GNB1: variants seen among roughly 807,000 people sequenced by gnomAD.
GNB1 encodes the protein G protein subunit beta 1.
Under a neutral mutation model 42.9 loss-of-function variants are expected in GNB1, and 2 were observed. That is an observed-to-expected ratio of 0.05 (90% CI 0.02 to 0.15). The LOEUF is 0.15. GNB1 is among the 10% of genes least tolerant of loss of function. GNB1 has a pLI of 1.00. For synonymous variants in GNB1, 183 were observed against 174.7 expected, an observed-to-expected ratio of 1.05 and a Z score of -0.38; for missense variants, 193 against 462.2, an observed-to-expected ratio of 0.42 and a Z score of 5.34.
chr1:1,883,203 T>C (rs1649950951), intron 1 of GNB1, among the ~76,000 whole-genome samples: 1 of 141,576 alleles, frequency 7.1e-6, no homozygotes, highest in Non-Finnish European at 1.5e-5. Context: ...GCCCAGGAGG[T>C]CCAGGCTGCA....
intron 5 of GNB1, among the ~76,000 whole-genome samples, chr1:1,814,717 A>C (rs12408690): frequency 6.7e-6 from 1 of 150,278 alleles, no homozygotes; most frequent in Non-Finnish European, 1.5e-5. Context: ...AGGAAGGGTT[A>C]CTGGAGCCTA....
At chr1:1,885,759 C>T (rs1427046754) in intron 1 of GNB1, among the ~76,000 whole-genome samples, 3 of 150,328 alleles carry the variant, frequency 2.0e-5, no homozygotes, top group Non-Finnish European at 4.4e-5. Context: ...GGGGTTTCAC[C>T]GTGTTAGCCA....
intron 3 of GNB1, among the ~76,000 whole-genome samples, chr1:1,819,578 G>A (rs184364896): frequency 6.6e-6 from 1 of 151,576 alleles, no homozygotes; most frequent in Non-Finnish European, 1.5e-5. Flanking sequence ...TGGCTCTGTT[G>A]CCCAGCCTGG....
intron 5 of GNB1, among the ~76,000 whole-genome samples, chr1:1,813,032 G>A (rs1364458964): frequency 6.6e-6 from 1 of 152,082 alleles, no homozygotes; most frequent in African/African-American, 2.4e-5. Flanking sequence ...CCACTAACCT[G>A]CCTAATCTGC....
At chr1:1,842,281 T>C (rs1647273106) in intron 1 of GNB1, among the ~76,000 whole-genome samples, 1 of 152,072 alleles carries the variant, frequency 6.6e-6, no homozygotes, top group Non-Finnish European at 1.5e-5. Flanking sequence ...ATACAAAAAA[T>C]TAGCCGGGCA....
At chr1:1,871,702 A>G (rs1348201542) in intron 1 of GNB1, among the ~76,000 whole-genome samples, 1 of 152,200 alleles carries the variant, frequency 6.6e-6, no homozygotes, top group African/African-American at 2.4e-5. Flanking sequence ...AGCTTCAGAT[A>G]TTCAAGGCAT....
intron 1 of GNB1, among the ~76,000 whole-genome samples, chr1:1,849,228 G>T (rs1226920146): frequency 6.6e-6 from 1 of 152,240 alleles, no homozygotes; most frequent in Non-Finnish European, 1.5e-5. Context: ...CTTGGAGGAT[G>T]TGTGCTTGAG....
chr1:1,828,181 C>T (rs1214410635), intron 2 of GNB1, among the ~76,000 whole-genome samples: 3 of 151,924 alleles, frequency 2.0e-5, no homozygotes, highest in African/African-American at 7.3e-5. Flanking sequence ...ATTAGCCAGG[C>T]GTGGTGGTGT....
intron 2 of GNB1, among the ~76,000 whole-genome samples, chr1:1,837,712 C>T (rs1359007880): frequency 6.6e-6 from 1 of 151,674 alleles, no homozygotes; most frequent in African/African-American, 2.4e-5. Flanking sequence ...GGGCGTGCCA[C>T]CACACGTGGC....
chr1:1,801,830 C>A (rs1275111268), intron 7 of GNB1, among the ~76,000 whole-genome samples: 1 of 152,100 alleles, frequency 6.6e-6, no homozygotes, highest in African/African-American at 2.4e-5. Flanking sequence ...GCAGAAAAAA[C>A]CAAGACCCAA....
At chr1:1,842,573 A>G (rs1181116904) in intron 1 of GNB1, among the ~76,000 whole-genome samples, 1 of 152,176 alleles carries the variant, frequency 6.6e-6, no homozygotes, top group East Asian at 1.9e-4. Context: ...CGGAACACAC[A>G]AATCCAAAGA....
intron 1 of GNB1, among the ~76,000 whole-genome samples, chr1:1,841,092 A>G (rs1647229209): frequency 6.6e-6 from 1 of 151,958 alleles, no homozygotes; most frequent in Admixed American, 6.6e-5. Context: ...GGTTTTCACC[A>G]TATTGGTCAG....
At chr1:1,882,885 C>T (rs1649931430) in intron 1 of GNB1, among the ~76,000 whole-genome samples, 1 of 151,286 alleles carries the variant, frequency 6.6e-6, no homozygotes, top group Non-Finnish European at 1.5e-5. Context: ...CATGTCACTG[C>T]ACTCCAGCCT....
rs1386818018 is a variant in GNB1, at chr1:1,871,454, A to C, written c.-96+19366T>G. On this transcript the variant is annotated intron_variant, in intron 1 of 11. Coordinates refer to ENST00000378609, the MANE Select transcript of GNB1 (RefSeq NM_002074.5). ...CAGCCACGGCAACAGAGTGAGACTT[A>C]AGGGAACCCTTTCCCCACCCCCATT... Among the ~76,000 whole-genome samples the C allele has an allele frequency of 2.0e-5, 3 of 151,896 alleles. No individual in the cohort carries two copies. The East Asian group carries it at 5.8e-4, about 29-fold the overall frequency.
chr1:1,844,064 G>T (rs906206780), intron 1 of GNB1, among the ~76,000 whole-genome samples: 1 of 151,882 alleles, frequency 6.6e-6, no homozygotes, highest in African/African-American at 2.4e-5. Context: ...GCGTGGTGGC[G>T]GGTGCCTGTA....
At chr1:1,860,500 G>A (rs1648560628) in intron 1 of GNB1, among the ~76,000 whole-genome samples, 1 of 152,028 alleles carries the variant, frequency 6.6e-6, no homozygotes, top group African/African-American at 2.4e-5. Context: ...AGCCAGTCGT[G>A]GTGGTGGGCG....
chr1:1,798,104 A>C (rs1203355730), intron 7 of GNB1, among the ~76,000 whole-genome samples: 1 of 152,262 alleles, frequency 6.6e-6, no homozygotes, highest in East Asian at 1.9e-4. Context: ...TTCAGTAAGA[A>C]GGAAAATGAA....
intron 1 of GNB1, among the ~76,000 whole-genome samples, chr1:1,868,141 G>C (rs1649044289): frequency 6.6e-6 from 1 of 152,052 alleles, no homozygotes; most frequent in African/African-American, 2.4e-5. Context: ...CTTCAATAAT[G>C]CATCTAAAGG....
chr1:1,801,786 A>C (rs899567997), intron 7 of GNB1, among the ~76,000 whole-genome samples: 48 of 152,222 alleles, frequency 3.2e-4, no homozygotes, highest in African/African-American at 1.1e-3. Context: ...TACAATAAGA[A>C]ATATAAATGT....
Sources: allele counts gnomAD v4.1 joint callset (sites outside exome capture counted in the v4.1 genomes callset), GRCh38; gene constraint gnomAD v4.1.1; transcripts MANE v1.5; gene names NCBI Gene and HGNC (gene_info 2026-07-23, HGNC 2026-07-21).